The following RAB3GAP1 variants were observed in gnomAD, a reference collection of about 807,000 sequenced individuals.
RAB3GAP1 encodes the protein RAB3 GTPase activating protein catalytic subunit 1, also known as rab3 GTPase-activating protein catalytic subunit.
A neutral mutation model predicts 130.7 loss-of-function variants in RAB3GAP1; 86 were observed. That is an observed-to-expected ratio of 0.66 (90% CI 0.55 to 0.79). The LOEUF is 0.79. Ranked by LOEUF, RAB3GAP1 falls within the 30% of genes least tolerant of loss-of-function variation. RAB3GAP1 has a pLI of 0.00. For missense variants in RAB3GAP1, 1,029 were observed against 1,169.4 expected (o/e 0.88, Z 1.75); for synonymous variants, 367 against 401.7 (o/e 0.91, Z 1.03).
Position 135,169,816 on chromosome 2 carries a change from C to G in RAB3GAP1, c.*1035C>G, listed in dbSNP as rs1052582980. 4.4e-6 allele frequency: 2 copies of G among 453,522 alleles called. No homozygotes were observed. Among genetic ancestry groups the G allele is most frequent in the Non-Finnish European group, 8.9e-6 (2 of 225,238 alleles). 28.1% of individuals were successfully genotyped at this position (453,522 alleles called of 1,614,324 possible). On this transcript the variant is annotated 3_prime_UTR_variant, in exon 24 of 24. Transcript: ENST00000264158. ...TCTAGTTTCATGGAGCTCAAGATGT[C>G]TTGTGTCTGTGTGGCTAGATGGCCT...
intron 3 of RAB3GAP1, among the ~76,000 whole-genome samples, chr2:135,081,147 G>A (rs1210343079): frequency 1.3e-5 from 2 of 150,446 alleles, no homozygotes; most frequent in African/African-American, 4.9e-5. Flanking sequence ...CCTTAAAATA[G>A]CAAATCTCCA....
intron 22 of RAB3GAP1, among the ~76,000 whole-genome samples, chr2:135,163,732 G>A (rs548522255): frequency 1.3e-4 from 20 of 152,332 alleles, no homozygotes; most frequent in Non-Finnish European, 2.9e-4. Context: ...GTGTGATAAA[G>A]TGTTCACAAA....
At chr2:135,096,594 G>C (rs1405500823) in intron 5 of RAB3GAP1, among the ~76,000 whole-genome samples, 1 of 152,006 alleles carries the variant, frequency 6.6e-6, no homozygotes, top group Non-Finnish European at 1.5e-5. Flanking sequence ...TTATCAGAAG[G>C]CAGCATAGTA....
At chr2:135,089,000 C>A (rs536121445) in intron 3 of RAB3GAP1, among the ~76,000 whole-genome samples, 29 of 152,162 alleles carry the variant, frequency 1.9e-4, no homozygotes, top group Non-Finnish European at 2.6e-4. Flanking sequence ...CCTAGGTTTT[C>A]TTCTAGGGTT....
rs1343271430 is a variant in RAB3GAP1 at position 135,058,090 on chromosome 2, A to C, written c.150+4A>C. 1.2e-6 allele frequency: 2 copies of C among 1,603,712 alleles called. No homozygotes were observed. Among genetic ancestry groups the C allele is most frequent in the Non-Finnish European group, 1.7e-6 (2 of 1,170,784 alleles). ...TTTGGGAAAGCCACTCGAAAAGGTC[A>C]GATCTATTTGCTGGTGTCTCTAAAT... On this transcript the variant is annotated splice_donor_region_variant and intron_variant, in intron 3 of 23. Transcript: ENST00000264158.
rs753631508 is a variant in RAB3GAP1, at chr2:135,130,044, T to C, written c.1023T>C (p.Thr341=). The change falls in exon 12 of 24, where the codon ACT becomes ACC. Residue 341 remains threonine, a synonymous_variant. Transcript: ENST00000264158. ...AAATTTGCCGTCGAAAGGAGTCAAC[T>C]GATGAGATTCTTGGACGATCTGCAT... ...FFKICRRKES[T]DEILGRSAFE... 3.3e-5 allele frequency: 54 copies of C among 1,613,418 alleles called. No homozygotes were observed. The Admixed American group carries it at 9.0e-4, about 27-fold the overall frequency.
intron 5 of RAB3GAP1, among the ~76,000 whole-genome samples, chr2:135,094,269 TC>T: frequency 6.6e-6 from 1 of 152,288 alleles, no homozygotes; most frequent in Middle Eastern, 3.4e-3. Context: ...GTTTTTTCTT[TC>T]AGTTTTTTTG....
At chr2:135,092,522 C>T (rs182134062) in intron 4 of RAB3GAP1, among the ~76,000 whole-genome samples, 232 of 152,242 alleles carry the variant, frequency 1.5e-3, no homozygotes, top group Non-Finnish European at 2.3e-3. Context: ...CTGCAACCTC[C>T]GCCTCCCGGG....
chr2:135,096,299 A>G (rs1468613142), intron 5 of RAB3GAP1, among the ~76,000 whole-genome samples: 1 of 152,208 alleles, frequency 6.6e-6, no homozygotes, highest in Non-Finnish European at 1.5e-5. Context: ...AAATTAAAGA[A>G]TTCTAAGGTA....
chr2:135,176,015 T>C (rs955875097), intron 24 of RAB3GAP1, among the ~76,000 whole-genome samples: 3 of 152,148 alleles, frequency 2.0e-5, no homozygotes, highest in African/African-American at 4.8e-5. Context: ...AGATGTCCAT[T>C]CTCCCCACAA....
chr2:135,053,805 C>G (rs1188143351), intron 2 of RAB3GAP1, among the ~76,000 whole-genome samples: 1 of 152,038 alleles, frequency 6.6e-6, no homozygotes, highest in Non-Finnish European at 1.5e-5. Context: ...CCAGTTGGTA[C>G]TACCTGTAAA....
At chr2:135,133,169 T>C (rs1691593414) in intron 14 of RAB3GAP1, among the ~76,000 whole-genome samples, 185 bp downstream of exon 14, 1 of 152,128 alleles carries the variant, frequency 6.6e-6, no homozygotes, top group African/African-American at 2.4e-5. Context: ...GTAGCAAGAA[T>C]TTTTCTGGAA....
chr2:135,086,905 C>T (rs1690002746), intron 3 of RAB3GAP1, among the ~76,000 whole-genome samples: 1 of 151,992 alleles, frequency 6.6e-6, no homozygotes, highest in Non-Finnish European at 1.5e-5. Flanking sequence ...TCAAGTGATC[C>T]TCCCTGATGG....
chr2:135,061,774 AT>A (rs1689176960), intron 3 of RAB3GAP1, among the ~76,000 whole-genome samples: 2 of 152,238 alleles, frequency 1.3e-5, no homozygotes, highest in South Asian at 4.1e-4. Context: ...GGGTTTACCA[AT>A]TTATCATTTA....
chr2:135,083,281 G>A (rs992965895), intron 3 of RAB3GAP1, among the ~76,000 whole-genome samples: 2 of 151,962 alleles, frequency 1.3e-5, no homozygotes, highest in Admixed American at 6.6e-5. Context: ...AGCATTCATC[G>A]CATTAAGTTT....
chr2:135,094,781 A>G (rs1254833019), intron 5 of RAB3GAP1, among the ~76,000 whole-genome samples: 1 of 152,200 alleles, frequency 6.6e-6, no homozygotes, highest in Non-Finnish European at 1.5e-5. Flanking sequence ...GCTCCCACAT[A>G]TTAGTGAAAA....
Position 135,091,089 on chromosome 2 carries a change from A to G in RAB3GAP1, c.242A>G (p.Gln81Arg). ...KFSVTHHYLVQESTDKEGKDE... is the reference protein window; with the variant it reads ...KFSVTHHYLVRESTDKEGKDE... The stretch of plus-strand genomic sequence containing the variant: ...TCAGTCACTCATCATTATCTTGTAC[A>G]AGAGTCCACTGATAAAGAAGGAAAG... The change falls in exon 4 of 24, where the codon CAA (glutamine) becomes CGA (arginine). Residue 81 changes from glutamine to arginine, a missense_variant. Physicochemically the swap from Gln to Arg is conservative, Grantham distance 43. Transcript: ENST00000264158. 1 of 1,601,754 alleles carries G rather than the reference A, an allele frequency of 6.2e-7. No homozygotes were observed. Among genetic ancestry groups the G allele is most frequent in the Non-Finnish European group, 8.6e-7 (1 of 1,169,012 alleles).
chr2:135,138,318 C>T lies in RAB3GAP1; in HGVS notation c.1923+2386C>T, dbSNP rs367739889. Among the ~76,000 whole-genome samples, 74 of 150,072 alleles carry T rather than the reference C, an allele frequency of 4.9e-4. 2 individuals carry two copies. The East Asian group carries it at 9.9e-3, about 20-fold the overall frequency. On this transcript the variant is annotated intron_variant, in intron 17 of 23. Transcript: ENST00000264158. The stretch of plus-strand genomic sequence containing the variant: ...AAAAAAAATTAGCCGACTGGGGTAG[C>T]GTACACCTGTAGTCCCAGCTACTCG...
chr2:135,124,367 A>G, intron 9 of RAB3GAP1, 121 bp downstream of exon 9: 4 of 1,067,982 alleles, frequency 3.7e-6, no homozygotes, highest in African/African-American at 1.6e-5. Context: ...TACTGGAAAT[A>G]AAGAAAGACG....
Sources: gnomAD v4.1 joint callset for allele counts (sites outside exome capture counted in the v4.1 genomes callset) on GRCh38, gnomAD v4.1.1 for gene constraint, MANE v1.5 for transcripts, NCBI Gene and HGNC (gene_info 2026-07-23, HGNC 2026-07-21) for gene names.